The following DIP2C variants were observed in gnomAD, a reference collection of about 807,000 sequenced individuals.
DIP2C encodes the protein disco-interacting protein 2 homolog C.
DIP2C carries 33 observed loss-of-function variants against 192.4 expected under a neutral mutation model. The ratio of observed to expected loss-of-function variants is 0.17; its 90% CI spans 0.13 to 0.23. DIP2C has a LOEUF of 0.23. Among genes scored for constraint, DIP2C ranks in the 10% least tolerant of loss-of-function variants. The probability of loss-of-function intolerance (pLI) is 1.00; values close to 1 mark genes in which losing one functional copy is unlikely to be tolerated. For missense variants in DIP2C, 1,537 were observed against 2,110.1 expected (o/e 0.73, Z 5.32); for synonymous variants, 979 against 864.1 (o/e 1.13, Z -2.33).
At chr10:650,917 GT>G in intron 1 of DIP2C, 3 of 717,470 alleles carry the variant, frequency 4.2e-6, no homozygotes, top group Non-Finnish European at 7.8e-6. Flanking sequence ...CTGAGGGTGT[GT>G]CCATGCAGGA....
intron 3 of DIP2C, among the ~76,000 whole-genome samples, chr10:458,849 C>T (rs1969520121): frequency 6.6e-6 from 1 of 152,216 alleles, no homozygotes; most frequent in Non-Finnish European, 1.5e-5. Flanking sequence ...GTGCTCGGAA[C>T]CCAGAATCAC....
At position 519,732 on chromosome 10, in the gene DIP2C, G is replaced by A. The variant is rs542866983; in HGVS notation, c.86-33202C>T. 7.9e-5 allele frequency among the ~76,000 whole-genome samples: 12 copies of A among 152,366 alleles called. No individual in the cohort carries two copies. The East Asian group carries it at 1.5e-3, about 20-fold the overall frequency. ...CCTGAGCTCATTAGGGACAGAAACC[G>A]TCTCCTGCTCATCGCTAACACTTTC... On this transcript the variant is annotated intron_variant, in intron 1 of 36. Transcript: ENST00000280886.
At chr10:578,349 G>A (rs917504096) in intron 1 of DIP2C, among the ~76,000 whole-genome samples, 1 of 152,206 alleles carries the variant, frequency 6.6e-6, no homozygotes, top group African/African-American at 2.4e-5. Flanking sequence ...GTTTCCTGAT[G>A]AGTGGCGACT....
chr10:449,873 CACA>C (rs1294672185), intron 3 of DIP2C, among the ~76,000 whole-genome samples: 3 of 147,020 alleles, frequency 2.0e-5, no homozygotes, highest in African/African-American at 7.7e-5. Context: ...CATACACACA[CACA>C]ACTACAGTCA....
chr10:303,868 A>G lies in DIP2C; in HGVS notation c.3986+6163T>C, dbSNP rs1051845107. ...ACTTTTTTTTTTGTTATAAACTAAT[A>G]CACAGACACACATTAATCTGGGCCT... is the stretch of plus-strand genomic sequence containing the variant. On this transcript the variant is annotated intron_variant, in intron 32 of 36. Transcript: ENST00000280886. Among the ~76,000 whole-genome samples the G allele has an allele frequency of 2.6e-5, 4 of 152,224 alleles. No homozygotes were observed. The East Asian group carries it at 7.7e-4, about 29-fold the overall frequency.
At chr10:662,658 T>G (rs1856830609) in intron 1 of DIP2C, 2 of 567,804 alleles carry the variant, frequency 3.5e-6, no homozygotes, top group East Asian at 2.8e-5. Flanking sequence ...AATTTTTTTT[T>G]CTTTTTCATC....
intron 10 of DIP2C, among the ~76,000 whole-genome samples, chr10:397,604 T>C (rs929399843): frequency 1.3e-5 from 2 of 151,324 alleles, no homozygotes; most frequent in Non-Finnish European, 2.9e-5. Flanking sequence ...GGTTCAGACC[T>C]GGGCAGTCCC....
rs563466074 is a variant in DIP2C at position 408,186 on chromosome 10, G to T, written c.1149+740C>A. Among the ~76,000 whole-genome samples, 8 of 152,268 alleles carry T rather than the reference G, an allele frequency of 5.3e-5. No homozygotes were observed. The South Asian group carries it at 1.7e-3, about 32-fold the overall frequency. ...GTGGATGTCCAGTTTTCCCAGCACTGTGTGTTGGAAAGGCTGTCCTTTCCC... is the reference window on the plus strand; with the variant it reads ...GTGGATGTCCAGTTTTCCCAGCACTTTGTGTTGGAAAGGCTGTCCTTTCCC... On this transcript the variant is annotated intron_variant, in intron 9 of 36. Coordinates refer to ENST00000280886, the MANE Select transcript of DIP2C (RefSeq NM_014974.3).
intron 24 of DIP2C, 125 bp from the exon 25 acceptor site, chr10:349,579 G>A (rs1370003116): frequency 7.5e-7 from 1 of 1,326,874 alleles, no homozygotes; most frequent in Non-Finnish European, 1.0e-6. Flanking sequence ...AACAAGCACA[G>A]ACCTGTGCAA....
At chr10:578,337 A>G (rs1174059953) in intron 1 of DIP2C, among the ~76,000 whole-genome samples, 3 of 152,358 alleles carry the variant, frequency 2.0e-5, no homozygotes, top group African/African-American at 7.2e-5. Flanking sequence ...GAAAATGAAC[A>G]CGTTTCCTGA....
chr10:564,366 A>AC (rs1849359115), intron 1 of DIP2C, among the ~76,000 whole-genome samples: 2 of 152,102 alleles, frequency 1.3e-5, no homozygotes, highest in African/African-American at 2.4e-5. Flanking sequence ...CCTGGACGTC[A>AC]CCTTGGGGCA....
chr10:440,781 T>C, intron 4 of DIP2C, 90 bp downstream of exon 4: 1 of 1,497,768 alleles, frequency 6.7e-7, no homozygotes, highest in Non-Finnish European at 8.9e-7. Context: ...CTTCATTATT[T>C]TGAAAGCAAA....
chr10:302,681 C>T (rs193189613), intron 32 of DIP2C, among the ~76,000 whole-genome samples: 2 of 152,326 alleles, frequency 1.3e-5, no homozygotes, highest in Admixed American at 1.3e-4. Context: ...CGGCCAAGTG[C>T]TCCCGGGCTG....
chr10:414,906 A>AT (rs66514106), intron 7 of DIP2C, among the ~76,000 whole-genome samples: 21 of 83,180 alleles, frequency 2.5e-4, no homozygotes, highest in East Asian at 1.4e-3. Flanking sequence ...ATATATATAT[A>AT]TTTTTTTTTT....
At chr10:393,778 C>CAAAAAAAAAAAA (rs34390976) in intron 10 of DIP2C, among the ~76,000 whole-genome samples, 5 of 66,218 alleles carry the variant, frequency 7.6e-5, no homozygotes, top group Non-Finnish European at 1.1e-4. Context: ...GACTCCGTCT[C>CAAAAAAAAAAAA]AAAAAAAAAA....
intron 1 of DIP2C, among the ~76,000 whole-genome samples, chr10:623,722 G>T (rs1174327561): frequency 7.7e-6 from 1 of 129,622 alleles, no homozygotes; most frequent in African/African-American, 3.0e-5. Context: ...AGGGGAGGAG[G>T]GGAGGAGGGG....
At chr10:326,799 T>TATG (rs1321223988) in intron 31 of DIP2C, among the ~76,000 whole-genome samples, 1 of 152,228 alleles carries the variant, frequency 6.6e-6, no homozygotes, top group Non-Finnish European at 1.5e-5. Context: ...GAGTAAGTCC[T>TATG]ATGAATGCTT....
intron 1 of DIP2C, among the ~76,000 whole-genome samples, chr10:567,007 A>G (rs1849501380): frequency 6.6e-6 from 1 of 152,210 alleles, no homozygotes; most frequent in Admixed American, 6.5e-5. Context: ...TCAGAAAGGG[A>G]AAAATAATTC....
chr10:602,497 T>C (rs1366610178), intron 1 of DIP2C, among the ~76,000 whole-genome samples: 1 of 152,086 alleles, frequency 6.6e-6, no homozygotes, highest in Non-Finnish European at 1.5e-5. Context: ...AGGACCGGGG[T>C]TGGTGTCCTT....
Sources: gnomAD v4.1 joint callset for allele counts (sites outside exome capture counted in the v4.1 genomes callset) on GRCh38, gnomAD v4.1.1 for gene constraint, MANE v1.5 for transcripts, NCBI Gene and HGNC (gene_info 2026-07-23, HGNC 2026-07-21) for gene names.